The following PA2G4 variants were observed in gnomAD, a reference collection of about 807,000 sequenced individuals.
PA2G4 encodes proliferation-associated protein 2G4.
Under a neutral mutation model 53.3 loss-of-function variants are expected in PA2G4, and 8 were observed. The ratio of observed to expected loss-of-function variants is 0.15; its 90% CI spans 0.09 to 0.27. The LOEUF (loss-of-function observed/expected upper bound fraction) is 0.27, where lower values mean the gene tolerates loss of function less well. Ranked by LOEUF, PA2G4 falls within the 10% of genes least tolerant of loss-of-function variation. PA2G4 has a pLI of 1.00. For synonymous variants in PA2G4, 143 were observed against 169.8 expected, an observed-to-expected ratio of 0.84 and a Z score of 1.23; for missense variants, 208 against 486.8, an observed-to-expected ratio of 0.43 and a Z score of 5.39.
At position 56,111,273 on chromosome 12, in the gene PA2G4, C is replaced by T; in HGVS notation, c.1029C>T (p.Tyr343=). The T allele has an allele frequency of 1.2e-6, 2 of 1,614,096 alleles. No homozygotes were observed. Among genetic ancestry groups the T allele is most frequent in the South Asian group, 1.1e-5 (1 of 91,078 alleles). ...ITSGPFEPDL[Y]KSEMEVQDAE... is the part of the protein sequence containing the mutation. ...GTGGTCCCTTCGAGCCTGACCTCTA[C>T]AAGTCTGAGATGGAGGTCCAGGATG... The change falls in exon 11 of 13, where the codon TAC becomes TAT. Residue 343 remains tyrosine (Y), a synonymous_variant. Transcript: ENST00000303305.
In PA2G4 at chr12:56,112,710, G is replaced by A. The variant is rs1869455467; in HGVS notation, c.1120-113G>A. The A allele has an allele frequency of 8.1e-6, 6 of 745,090 alleles. No homozygotes were observed. The Admixed American group carries it at 1.6e-4, about 20-fold the overall frequency. 46.2% of individuals were successfully genotyped at this position (745,090 alleles called of 1,614,324 possible). The stretch of plus-strand genomic sequence containing the variant: ...AAGTGGTACCACTGCACTCCAGCCT[G>A]GAAAACAGAGTGAGACTGTCTCAGA... On this transcript the variant is annotated intron_variant, in intron 12 of 12. Coordinates refer to ENST00000303305, the MANE Select transcript of PA2G4 (RefSeq NM_006191.3).
rs1332750630 is a variant in PA2G4 at position 56,104,729 on chromosome 12, A to G, written c.-9A>G. On this transcript the variant is annotated 5_prime_UTR_variant, in exon 1 of 13. Coordinates refer to ENST00000303305, the MANE Select transcript of PA2G4 (RefSeq NM_006191.3). ...GGGGAAACGAGGCTGCAGTGGTGGT[A>G]GTAGGAAGATGTCGGGCGAGGACGA... The G allele has an allele frequency of 1.2e-6, 2 of 1,612,496 alleles. No individual in the cohort carries two copies. The highest frequency in any genetic ancestry group is 1.7e-4 in the Middle Eastern group (1 of 5,822).
In PA2G4 at chr12:56,110,525, A is replaced by C. The variant is rs200305734; in HGVS notation, c.709-34A>C. On this transcript the variant is annotated intron_variant, in intron 8 of 12. Coordinates refer to ENST00000303305, the MANE Select transcript of PA2G4 (RefSeq NM_006191.3). ...CAAAGAGGGGTGACTGAGAGTGTTC[A>C]CCAGACCAAATGTTACTTAAATTAC... 5 of 1,614,154 alleles carry C rather than the reference A, an allele frequency of 3.1e-6. No homozygotes were observed. The East Asian group carries it at 1.1e-4, about 36-fold the overall frequency.
At chr12:56,109,333 G>T in intron 6 of PA2G4, 40 bp downstream of exon 6, 1 of 1,496,998 alleles carries the variant, frequency 6.7e-7, no homozygotes, top group South Asian at 1.1e-5. Context: ...AAGAATGAGT[G>T]GCTTTGCCAG....
chr12:56,109,168 C>G, intron 5 of PA2G4, 62 bp from the exon 6 acceptor site: 1 of 893,128 alleles, frequency 1.1e-6, no homozygotes, highest in Non-Finnish European at 1.8e-6. Flanking sequence ...GCTTCTTATT[C>G]TCATTGTAGA....
Position 56,111,457 on chromosome 12 carries a change from C to T in PA2G4, c.1066-19C>T. ...CTCCACATTTCTCAAAATTTTTTTC[C>T]CTTCTTCCTGTTTTCCAGGCCCTCC... On this transcript the variant is annotated intron_variant, in intron 11 of 12. Transcript: ENST00000303305. The T allele has an allele frequency of 6.2e-7, 1 of 1,612,380 alleles. No homozygotes were observed.
intron 1 of PA2G4, among the ~76,000 whole-genome samples, chr12:56,105,535 G>A (rs946577166): frequency 6.6e-6 from 1 of 152,228 alleles, no homozygotes; most frequent in African/African-American, 2.4e-5. Flanking sequence ...AATCTGTGCA[G>A]ATAGTCTTAG....
chr12:56,111,433 T>C, intron 11 of PA2G4, 43 bp from the exon 12 acceptor site: 1 of 1,609,916 alleles, frequency 6.2e-7, no homozygotes, highest in South Asian at 1.1e-5. Flanking sequence ...TTTAATTTCC[T>C]CCACATTTCT....
chr12:56,110,605 C>T lies in PA2G4; in HGVS notation c.755C>T (p.Ser252Phe). The stretch of plus-strand genomic sequence containing the variant: ...ACCACTATTTACAAACGAGACCCCT[C>T]TAAACAGTATGGACTGAAAATGAAA... ...QRTTIYKRDP[S>F]KQYGLKMKTS... Residue 252 changes from serine to phenylalanine, a missense_variant, in exon 9 of 13, where the codon TCT becomes TTT. Around this residue, in one of 3 missense-constraint regions of PA2G4, gnomAD observed 143 missense variants for 386.8 expected, o/e 0.37. Coordinates refer to ENST00000303305, the MANE Select transcript of PA2G4 (RefSeq NM_006191.3). The T allele has an allele frequency of 5.0e-6, 8 of 1,614,100 alleles. No homozygotes were observed. The highest frequency in any genetic ancestry group is 6.8e-6 in the Non-Finnish European group (8 of 1,179,988).
chr12:56,106,535 G>T (rs77224376), intron 1 of PA2G4, 53 bp from the exon 2 acceptor site: 1 of 1,458,246 alleles, frequency 6.9e-7, no homozygotes, highest in South Asian at 1.4e-5. Context: ...TCCTTGGGTG[G>T]TAACTAGACA....
intron 1 of PA2G4, 87 bp downstream of exon 1, chr12:56,104,912 T>C: frequency 8.3e-7 from 1 of 1,208,046 alleles, no homozygotes; most frequent in Non-Finnish European, 1.2e-6. Flanking sequence ...GGAGGGGTCA[T>C]GCGGACTGAG....
Position 56,112,892 on chromosome 12 carries a change from G to A in PA2G4, c.*4G>A. ...AGAAAATGAAGCTGGGGACTGAGGTGGGTCCCATCTCCCCAGCTTGCTGCT... is the reference window on the plus strand; with the variant it reads ...AGAAAATGAAGCTGGGGACTGAGGTAGGTCCCATCTCCCCAGCTTGCTGCT... On this transcript the variant is annotated 3_prime_UTR_variant, in exon 13 of 13. Transcript: ENST00000303305. 3.2e-6 allele frequency: 5 copies of A among 1,548,340 alleles called. No homozygotes were observed. The highest frequency in any genetic ancestry group is 4.3e-6 in the Non-Finnish European group (5 of 1,150,668).
intron 1 of PA2G4, chr12:56,105,113 C>T (rs1344836327): frequency 3.0e-6 from 2 of 663,258 alleles, no homozygotes; most frequent in Admixed American, 2.1e-5. Context: ...GACGTGTTTT[C>T]TCTTGTTCCT....
At chr12:56,107,332 C>A in intron 4 of PA2G4, 76 bp downstream of exon 4, 1 of 1,184,168 alleles carries the variant, frequency 8.4e-7, no homozygotes, top group Non-Finnish European at 1.3e-6. Context: ...TTATCCCCAC[C>A]CCCAATCACC....
Position 56,111,165 on chromosome 12 carries a change from C to G in PA2G4, c.938-17C>G. 6.2e-7 allele frequency: 1 copy of G among 1,614,168 alleles called. No homozygotes were observed. The highest frequency in any genetic ancestry group is 8.5e-7 in the Non-Finnish European group (1 of 1,180,006). The stretch of plus-strand genomic sequence containing the variant: ...AAAGGAACTTTTTATCAAAACACAT[C>G]TTCATTTTTGCCATAGGTGAATTTG... On this transcript the variant is annotated splice_polypyrimidine_tract_variant and intron_variant, in intron 10 of 12. Coordinates refer to ENST00000303305, the MANE Select transcript of PA2G4 (RefSeq NM_006191.3).
At chr12:56,107,420 A>G (rs1468533650) in intron 4 of PA2G4, 101 bp from the exon 5 acceptor site, 2 of 1,016,962 alleles carry the variant, frequency 2.0e-6, no homozygotes, top group African/African-American at 1.6e-5. Context: ...CCTCCTGTTC[A>G]TTGGCTGGTC....
At position 56,113,910 on chromosome 12, in the gene PA2G4, A is replaced by T. The variant is rs1274857060; in HGVS notation, c.*1022A>T. On this transcript the variant is annotated 3_prime_UTR_variant, in exon 13 of 13. Transcript: ENST00000303305. Reference sequence around the variant, plus strand: ...AATAAATTTGGATTTGCTCATAATGATGTGCTTTGTATGCTGCTCTTGTTT... The same window carrying T: ...AATAAATTTGGATTTGCTCATAATGTTGTGCTTTGTATGCTGCTCTTGTTT... 1 of 701,982 alleles carries T rather than the reference A, an allele frequency of 1.4e-6. No homozygotes were observed. Among genetic ancestry groups the T allele is most frequent in the Non-Finnish European group, 2.6e-6 (1 of 384,750 alleles). 43.5% of individuals were successfully genotyped at this position (701,982 alleles called of 1,614,324 possible).
chr12:56,105,232 G>T, intron 1 of PA2G4: 1 of 415,048 alleles, frequency 2.4e-6, no homozygotes, highest in Non-Finnish European at 4.8e-6. Context: ...TTTTTGTAGC[G>T]TCTCCGGGGC....
At position 56,110,496 on chromosome 12, in the gene PA2G4, T is replaced by C. The variant is rs375325942; in HGVS notation, c.708+19T>C. The C allele has an allele frequency of 9.3e-6, 15 of 1,613,382 alleles. No homozygotes were observed. Among genetic ancestry groups the C allele is most frequent in the Non-Finnish European group, 1.2e-5 (14 of 1,179,666 alleles). The stretch of plus-strand genomic sequence containing the variant: ...GGGCAAGGTGAGGAGAGTACCAGAG[T>C]TGGCAAAGAGGGGTGACTGAGAGTG... On this transcript the variant is annotated intron_variant, in intron 8 of 12. Transcript: ENST00000303305.
Sources: allele counts gnomAD v4.1 joint callset (sites outside exome capture counted in the v4.1 genomes callset), GRCh38; gene constraint gnomAD v4.1.1; regional missense constraint gnomAD v4.1.1; transcripts MANE v1.5; gene names NCBI Gene and HGNC (gene_info 2026-07-23, HGNC 2026-07-21).